CIB1: variants seen among roughly 807,000 people sequenced by gnomAD.
CIB1 encodes the protein calcium and integrin-binding protein 1.
Under a neutral mutation model 25.0 loss-of-function variants are expected in CIB1, and 19 were observed. The ratio of observed to expected loss-of-function variants is 0.76; its 90% CI spans 0.53 to 1.12. CIB1 has a LOEUF of 1.12. CIB1 is among the 50% of genes most tolerant of loss of function. The pLI is 0.00. For synonymous variants in CIB1, 104 were observed against 98.5 expected (o/e 1.06, Z -0.33); for missense variants, 236 against 242.6 (o/e 0.97, Z 0.18).
the CIB1 span, chr15:90,258,815 G>T: frequency 6.2e-7 from 1 of 1,614,218 alleles, no homozygotes; most frequent in Non-Finnish European, 8.5e-7. Flanking sequence ...TCTCTGTGAT[G>T]CTATGACCCT....
At position 90,233,871 on chromosome 15, in the gene CIB1, G is replaced by A. The variant is rs1263030411; in HGVS notation, c.15C>T (p.Gly5=). The A allele has an allele frequency of 1.3e-6, 2 of 1,489,900 alleles. No homozygotes were observed. The highest frequency in any genetic ancestry group is 1.4e-5 in the African/African-American group (1 of 70,778). 92.3% of individuals were successfully genotyped at this position (1,489,900 alleles called of 1,614,324 possible). Residue 5 remains glycine, a synonymous_variant, in exon 1 of 7, where the codon GGC becomes GGT. Coordinates refer to ENST00000328649, the MANE Select transcript of CIB1 (RefSeq NM_006384.4). ...CCAGCAGCTCCTTGGACAGGCGACT[G>A]CCCGAGCCCCCCATCGCCCCGCCGC... MGGS[G]SRLSKELLAE...
chr15:90,251,280 A>ATTTTTTT, the CIB1 span, among the ~76,000 whole-genome samples: 458 of 109,448 alleles, frequency 4.2e-3, 9 homozygotes, highest in African/African-American at 7.2e-3. Flanking sequence ...CGCATGGCAA[A>ATTTTTTT]TTTTTTTTTT....
chr15:90,256,551 T>C, the CIB1 span, among the ~76,000 whole-genome samples: 2 of 25,214 alleles, frequency 7.9e-5, no homozygotes, highest in South Asian at 1.9e-3. Flanking sequence ...TCCTTTTTCT[T>C]TCTTTCTTTC....
upstream of CIB1, among the ~76,000 whole-genome samples, chr15:90,235,168 G>C (rs1962606224): frequency 2.0e-5 from 3 of 152,186 alleles, no homozygotes; most frequent in South Asian, 6.2e-4. Flanking sequence ...TGACTCCCTA[G>C]ACTGCCTAGG....
At chr15:90,258,010 G>T in the CIB1 span, 1 of 1,605,472 alleles carries the variant, frequency 6.2e-7, no homozygotes, top group Non-Finnish European at 8.5e-7. Context: ...CTAGAAACTG[G>T]CCTTCCTCTG....
At chr15:90,265,735 T>C in the CIB1 span, 1 of 1,613,238 alleles carries the variant, frequency 6.2e-7, no homozygotes, top group African/African-American at 1.3e-5. Context: ...CTGAGTCTCT[T>C]GCTGGGCGGG....
the CIB1 span, chr15:90,255,883 A>C: frequency 6.2e-7 from 1 of 1,614,150 alleles, no homozygotes; most frequent in Non-Finnish European, 8.5e-7. Flanking sequence ...GCCTCCCCGC[A>C]GAGTGAGTGG....
chr15:90,239,772 G>A, the CIB1 span, among the ~76,000 whole-genome samples: 7 of 152,182 alleles, frequency 4.6e-5, no homozygotes, highest in Admixed American at 3.9e-4. Flanking sequence ...GCAATGGTGC[G>A]ATCTCGGCAG....
At chr15:90,237,470 G>T (rs887518974), upstream of CIB1, among the ~76,000 whole-genome samples, 34 of 151,706 alleles carry the variant, frequency 2.2e-4, no homozygotes, top group African/African-American at 8.0e-4. Context: ...ATTTTTAGTA[G>T]ACACAGGGTT....
the CIB1 span, chr15:90,258,337 CAG>C: frequency 5.9e-6 from 8 of 1,350,074 alleles, no homozygotes; most frequent in Admixed American, 1.7e-5. Context: ...ACACCTGGGA[CAG>C]GGGTACACTC....
the CIB1 span, among the ~76,000 whole-genome samples, chr15:90,256,710 A>G: frequency 2.9e-5 from 4 of 140,086 alleles, no homozygotes; most frequent in Non-Finnish European, 4.6e-5. Context: ...CTTTCTTTCG[A>G]TGGAGTCTCT....
At chr15:90,258,588 G>T in the CIB1 span, 1 of 661,506 alleles carries the variant, frequency 1.5e-6, no homozygotes, top group Non-Finnish European at 2.6e-6. Flanking sequence ...AGATCTCTAT[G>T]GCAGAGTTTT....
At chr15:90,232,093 A>T (rs1182518395) in intron 3 of CIB1, 126 bp downstream of exon 3, 2 of 730,896 alleles carry the variant, frequency 2.7e-6, no homozygotes, top group Non-Finnish European at 4.6e-6. Context: ...AATCAGAACT[A>T]AGCAGAAAAA....
At chr15:90,264,404 C>A in the CIB1 span, among the ~76,000 whole-genome samples, 1 of 152,156 alleles carries the variant, frequency 6.6e-6, no homozygotes, top group Admixed American at 6.5e-5. Flanking sequence ...TGGTCTTGAA[C>A]TCCTGATCCA....
chr15:90,234,079 G>A (rs1005875802), upstream of CIB1: 3 of 521,898 alleles, frequency 5.7e-6, no homozygotes, highest in Admixed American at 8.5e-5. Context: ...GGCTCCAAGC[G>A]GTCCTAGGCG....
At chr15:90,261,611 C>G in the CIB1 span, among the ~76,000 whole-genome samples, 9 of 151,856 alleles carry the variant, frequency 5.9e-5, no homozygotes, top group African/African-American at 2.2e-4. Flanking sequence ...GAAACCCTGT[C>G]TCTACTAAAA....
the CIB1 span, chr15:90,265,181 C>G: frequency 1.5e-6 from 2 of 1,314,644 alleles, no homozygotes; most frequent in Admixed American, 3.0e-5. Context: ...GATGAAGAGG[C>G]GCCAAGGCCA....
chr15:90,232,444 A>T (rs1962519318), intron 2 of CIB1, 117 bp from the exon 3 acceptor site: 1 of 1,429,172 alleles, frequency 7.0e-7, no homozygotes, highest in Non-Finnish European at 9.2e-7. Flanking sequence ...CCACGTACAC[A>T]GAACTTCCGA....
the CIB1 span, among the ~76,000 whole-genome samples, chr15:90,254,585 G>A: frequency 1.3e-5 from 2 of 150,836 alleles, no homozygotes; most frequent in Non-Finnish European, 2.9e-5. Flanking sequence ...TCTCGTGCCT[G>A]AAATCCCTTT....
Sources: gnomAD v4.1 joint callset for allele counts (sites outside exome capture counted in the v4.1 genomes callset) on GRCh38, gnomAD v4.1.1 for gene constraint, MANE v1.5 for transcripts, NCBI Gene and HGNC (gene_info 2026-07-23, HGNC 2026-07-21) for gene names.